The following MACROD2 variants were observed in gnomAD, a reference collection of about 807,000 sequenced individuals.
MACROD2 encodes mono-ADP ribosylhydrolase 2, also known as ADP-ribose glycohydrolase MACROD2.
A neutral mutation model predicts 70.4 loss-of-function variants in MACROD2; 36 were observed. The ratio of observed to expected loss-of-function variants is 0.51; its 90% CI spans 0.39 to 0.68. The LOEUF is 0.68. Ranked by LOEUF, MACROD2 falls within the 30% of genes least tolerant of loss-of-function variation. The pLI is 0.00. For missense variants in MACROD2, 496 were observed against 538.4 expected (o/e 0.92, Z 0.78); for synonymous variants, 172 against 178.8 (o/e 0.96, Z 0.30).
chr20:15,605,637 A>G (rs950003324), intron 8 of MACROD2, among the ~76,000 whole-genome samples: 19 of 152,220 alleles, frequency 1.2e-4, no homozygotes, highest in African/African-American at 3.9e-4. Flanking sequence ...ATGAGGTCAC[A>G]TAACATGTAT....
At chr20:15,238,177 A>C (rs1231663430) in intron 6 of MACROD2, among the ~76,000 whole-genome samples, 1 of 152,238 alleles carries the variant, frequency 6.6e-6, no homozygotes, top group Non-Finnish European at 1.5e-5. Flanking sequence ...TATGCTAAAC[A>C]CAGGTTGCTC....
At chr20:15,337,677 C>T (rs2078063243) in intron 6 of MACROD2, among the ~76,000 whole-genome samples, 1 of 151,408 alleles carries the variant, frequency 6.6e-6, no homozygotes, top group Non-Finnish European at 1.5e-5. Context: ...TAACTATAGT[C>T]ACCATGTTGT....
chr20:14,653,513 C>A (rs528268375), intron 4 of MACROD2, among the ~76,000 whole-genome samples: 1 of 145,874 alleles, frequency 6.9e-6, no homozygotes, highest in African/African-American at 2.7e-5. Flanking sequence ...CCACCAAGCC[C>A]GGCTGCAATT....
At chr20:15,455,385 G>A (rs1450781656) in intron 7 of MACROD2, among the ~76,000 whole-genome samples, 4 of 152,118 alleles carry the variant, frequency 2.6e-5, no homozygotes, top group African/African-American at 4.8e-5. Context: ...TTAATGAGTT[G>A]TCACTGTTTT....
intron 3 of MACROD2, among the ~76,000 whole-genome samples, chr20:14,342,766 A>G (rs1471472000): frequency 3.3e-5 from 5 of 152,196 alleles, no homozygotes; most frequent in Non-Finnish European, 5.9e-5. Flanking sequence ...AAACAATCAC[A>G]TAACCCTTTT....
Position 16,003,992 on chromosome 20 carries a change from T to C in MACROD2, c.1153+16834T>C, listed in dbSNP as rs548326975. ...CCAAAATTTTGCATTTTTAATGAGT[T>C]CCCAGGTGATGGTGGTACTGCTGGT... On this transcript the variant is annotated intron_variant, in intron 15 of 17. Coordinates refer to ENST00000684519, the MANE Select transcript of MACROD2 (RefSeq NM_001351661.2). Among the ~76,000 whole-genome samples, 3 of 152,190 alleles carry C rather than the reference T, an allele frequency of 2.0e-5. No individual in the cohort carries two copies. In the South Asian group the frequency reaches 6.2e-4, roughly 32 times the overall value.
intron 5 of MACROD2, among the ~76,000 whole-genome samples, chr20:15,175,450 A>G (rs763767475): frequency 6.6e-6 from 1 of 152,150 alleles, no homozygotes; most frequent in Non-Finnish European, 1.5e-5. Context: ...TAAAATTTAA[A>G]AAAAGATATG....
At chr20:14,784,246 C>T (rs1568793588) in intron 5 of MACROD2, among the ~76,000 whole-genome samples, 1 of 152,106 alleles carries the variant, frequency 6.6e-6, no homozygotes, top group Non-Finnish European at 1.5e-5. Flanking sequence ...TTGCTGTCTT[C>T]TAGCCACATA....
At chr20:14,342,640 G>A (rs922839526) in intron 3 of MACROD2, among the ~76,000 whole-genome samples, 43 of 152,278 alleles carry the variant, frequency 2.8e-4, no homozygotes, top group African/African-American at 8.4e-4. Flanking sequence ...GAAATAATTA[G>A]ATTTTAGCAG....
rs140083895 is a variant in MACROD2 at position 15,472,824 on chromosome 20, A to G, written c.572-26950A>G. On this transcript the variant is annotated intron_variant, in intron 7 of 17. Transcript: ENST00000684519. ...CTTATGCTTTTCGGGCCCTGTACCT[A>G]TGCTCACAGTACCTCTACAGAATCT... 5.9e-3 allele frequency among the ~76,000 whole-genome samples: 901 copies of G among 152,268 alleles called. 4 individuals carry two copies. Among genetic ancestry groups the G allele is most frequent in the Admixed American group, 0.012 (186 of 15,306 alleles).
intron 7 of MACROD2, among the ~76,000 whole-genome samples, chr20:15,488,300 A>G (rs1186585824): frequency 6.6e-6 from 1 of 152,056 alleles, no homozygotes; most frequent in Non-Finnish European, 1.5e-5. Flanking sequence ...TCACTGCAGG[A>G]TGCTAGGCAG....
At chr20:14,240,776 T>G (rs1479363071) in intron 3 of MACROD2, among the ~76,000 whole-genome samples, 5 of 152,180 alleles carry the variant, frequency 3.3e-5, no homozygotes, top group Non-Finnish European at 5.9e-5. Context: ...ATCAGTACAC[T>G]AAATGCTCAT....
chr20:15,505,590 G>A (rs537879715), intron 8 of MACROD2, among the ~76,000 whole-genome samples: 7 of 152,190 alleles, frequency 4.6e-5, no homozygotes, highest in Admixed American at 2.6e-4. Flanking sequence ...ACTCCTTCCC[G>A]CTGCACTACT....
intron 4 of MACROD2, among the ~76,000 whole-genome samples, chr20:14,676,402 A>G (rs1454781800): frequency 1.3e-5 from 2 of 152,248 alleles, no homozygotes; most frequent in Non-Finnish European, 2.9e-5. Flanking sequence ...AGAACTCAGG[A>G]TTAAGAAACT....
intron 3 of MACROD2, among the ~76,000 whole-genome samples, chr20:14,414,475 G>T (rs996075900): frequency 6.6e-6 from 1 of 152,094 alleles, no homozygotes; most frequent in Non-Finnish European, 1.5e-5. Flanking sequence ...CCTGGATGAT[G>T]GCAGTAACCT....
chr20:14,552,169 G>A (rs1303367131), intron 4 of MACROD2, among the ~76,000 whole-genome samples: 1 of 150,340 alleles, frequency 6.7e-6, no homozygotes, highest in East Asian at 2.0e-4. Context: ...TATTTCATGT[G>A]ACCTTGGAAT....
At chr20:15,551,579 T>C (rs184541237) in intron 8 of MACROD2, among the ~76,000 whole-genome samples, 57 of 152,300 alleles carry the variant, frequency 3.7e-4, no homozygotes, top group Non-Finnish European at 6.9e-4. Context: ...TGTTGTTTCA[T>C]GTAGCAGAAT....
intron 3 of MACROD2, among the ~76,000 whole-genome samples, chr20:14,292,503 C>T (rs1482549844): frequency 6.6e-6 from 1 of 151,948 alleles, no homozygotes; most frequent in East Asian, 1.9e-4. Context: ...AGGACATCAA[C>T]AGTGACTGCT....
intron 8 of MACROD2, among the ~76,000 whole-genome samples, chr20:15,688,058 A>G (rs559772157): frequency 3.3e-4 from 51 of 152,276 alleles, no homozygotes; most frequent in African/African-American, 1.1e-3. Context: ...GCCTGAGGCC[A>G]TGGTCTCTGC....
Sources: allele counts gnomAD v4.1 joint callset (sites outside exome capture counted in the v4.1 genomes callset), GRCh38; gene constraint gnomAD v4.1.1; transcripts MANE v1.5; gene names NCBI Gene and HGNC (gene_info 2026-07-23, HGNC 2026-07-21).